The following CNTN6 variants were observed in gnomAD, a reference collection of about 807,000 sequenced individuals.
CNTN6 encodes the protein contactin 6.
CNTN6 carries 137 observed loss-of-function variants against 122.8 expected under a neutral mutation model. The observed-to-expected ratio is 1.12, with a 90% confidence interval of 0.97 to 1.29. CNTN6 has a LOEUF of 1.29. CNTN6 is among the 50% of genes most tolerant of loss of function. The pLI is 0.00. For synonymous variants in CNTN6, 570 were observed against 426.0 expected (o/e 1.34, Z -4.16); for missense variants, 1,634 against 1,223.4 (o/e 1.34, Z -5.01).
chr3:1,263,747 C>T (rs1414503768), intron 4 of CNTN6, among the ~76,000 whole-genome samples: 1 of 151,818 alleles, frequency 6.6e-6, no homozygotes, highest in Non-Finnish European at 1.5e-5. Flanking sequence ...AAACAAGGTC[C>T]CTGTTTTCGT....
chr3:1,144,081 A>T (rs1018087890), intron 1 of CNTN6, among the ~76,000 whole-genome samples: 5 of 152,264 alleles, frequency 3.3e-5, no homozygotes, highest in South Asian at 2.1e-4. Context: ...AACCTAGCTC[A>T]TGCTTGCTGA....
In CNTN6 at chr3:1,244,215, A is replaced by G. The variant is rs1039926952; in HGVS notation, c.358+16222A>G. Among the ~76,000 whole-genome samples the G allele has an allele frequency of 3.2e-4, 48 of 152,220 alleles. 1 individual carries two copies. Among genetic ancestry groups the G allele is most frequent in the Middle Eastern group, 3.4e-3 (1 of 294 alleles). ...TTTTAAGTTCTTGAGCACACAGGCT[A>G]AGGGAGAAGAAGGAGGAATGGAGGG... On this transcript the variant is annotated intron_variant, in intron 4 of 22. Transcript: ENST00000446702.
intron 1 of CNTN6, among the ~76,000 whole-genome samples, chr3:1,106,259 CCTCCCCAAATGTGAGATATATAA>C (rs1374526331): frequency 5.3e-5 from 8 of 151,878 alleles, no homozygotes; most frequent in African/African-American, 1.9e-4. Flanking sequence ...CTTCAAAAAC[CCTCCCCAAATGTGAGATATATAA>C]CTTGCTTTTC....
At chr3:1,241,186 C>T (rs1223327598) in intron 4 of CNTN6, among the ~76,000 whole-genome samples, 3 of 152,086 alleles carry the variant, frequency 2.0e-5, no homozygotes, top group South Asian at 2.1e-4. Flanking sequence ...TGGATGTATA[C>T]GTGCAAGTTA....
chr3:1,096,948 A>C (rs2090558890), intron 1 of CNTN6, among the ~76,000 whole-genome samples: 3 of 152,184 alleles, frequency 2.0e-5, no homozygotes, highest in Admixed American at 1.3e-4. Context: ...TCTGTGGGAC[A>C]ATAGAGGACA....
At chr3:1,122,155 A>G (rs1252738113) in intron 1 of CNTN6, among the ~76,000 whole-genome samples, 5 of 151,992 alleles carry the variant, frequency 3.3e-5, no homozygotes, top group African/African-American at 1.2e-4. Flanking sequence ...AGTTCTGGTT[A>G]ATGGAACTAG....
intron 12 of CNTN6, among the ~76,000 whole-genome samples, chr3:1,358,193 A>C (rs1267519036): frequency 6.6e-6 from 1 of 151,954 alleles, no homozygotes; most frequent in Admixed American, 6.6e-5. Flanking sequence ...ACTTCAACCG[A>C]TACGTTTATT....
intron 5 of CNTN6, among the ~76,000 whole-genome samples, chr3:1,287,418 C>A (rs2125830355): frequency 6.6e-6 from 1 of 152,210 alleles, no homozygotes; most frequent in African/African-American, 2.4e-5. Context: ...TGGTACAGCC[C>A]ATCTCTTACA....
chr3:1,321,891 A>G, intron 8 of CNTN6, 57 bp downstream of exon 8: 1 of 1,419,154 alleles, frequency 7.0e-7, no homozygotes, highest in Non-Finnish European at 9.6e-7. Flanking sequence ...CTTCATAATA[A>G]ATTGTGGAAG....
intron 5 of CNTN6, among the ~76,000 whole-genome samples, chr3:1,282,581 CA>C (rs1393227398): frequency 2.1e-4 from 32 of 152,250 alleles, no homozygotes; most frequent in African/African-American, 7.7e-4. Context: ...CCCATATTTC[CA>C]AAAAATCTTA....
At chr3:1,351,922 T>C (rs751918808) in intron 11 of CNTN6, among the ~76,000 whole-genome samples, 8 of 151,888 alleles carry the variant, frequency 5.3e-5, no homozygotes, top group Non-Finnish European at 1.2e-4. Flanking sequence ...AGACTAATTG[T>C]GAAAATTAGC....
At chr3:1,391,702 C>CAA (rs1694175362) in intron 20 of CNTN6, among the ~76,000 whole-genome samples, 1 of 150,278 alleles carries the variant, frequency 6.7e-6, no homozygotes, top group Non-Finnish European at 1.5e-5. Context: ...GCAACTTCAG[C>CAA]AAAGTCTCAG....
intron 2 of CNTN6, among the ~76,000 whole-genome samples, chr3:1,157,229 A>ATTTATTTAATTTT (rs1559417626): frequency 6.3e-5 from 9 of 143,466 alleles, no homozygotes; most frequent in African/African-American, 1.9e-4. Flanking sequence ...TAATTTATTT[A>ATTTATTTAATTTT]TTTATTTATG....
intron 4 of CNTN6, among the ~76,000 whole-genome samples, chr3:1,254,949 T>C (rs2094728558): frequency 6.6e-6 from 1 of 152,244 alleles, no homozygotes; most frequent in East Asian, 1.9e-4. Flanking sequence ...CAGTTTTACA[T>C]TGGTGGTCAC....
intron 11 of CNTN6, among the ~76,000 whole-genome samples, chr3:1,346,387 C>G (rs6442357): frequency 0.81 from 122,411 of 151,980 alleles, 50,131 homozygotes; most frequent in African/African-American, 0.89. Flanking sequence ...CTCCTTAATG[C>G]ATTAATGCCC....
intron 4 of CNTN6, among the ~76,000 whole-genome samples, chr3:1,277,220 A>G (rs769001735): frequency 2.0e-5 from 3 of 152,166 alleles, no homozygotes; most frequent in Non-Finnish European, 4.4e-5. Context: ...TTCATTTTAA[A>G]AACAATCTTC....
chr3:1,103,164 T>G (rs2091039946), intron 1 of CNTN6, among the ~76,000 whole-genome samples: 2 of 152,164 alleles, frequency 1.3e-5, no homozygotes, highest in Non-Finnish European at 2.9e-5. Context: ...TGAAAAAGTT[T>G]CTGTTATTCT....
At chr3:1,372,763 A>T (rs1709239544) in intron 13 of CNTN6, 75 bp from the exon 14 acceptor site, 2 of 878,984 alleles carry the variant, frequency 2.3e-6, no homozygotes, top group South Asian at 3.3e-5. Context: ...TTTCGTATTT[A>T]TCCAGCTGTA....
At chr3:1,272,803 AG>A (rs1262036924) in intron 4 of CNTN6, among the ~76,000 whole-genome samples, 2 of 152,166 alleles carry the variant, frequency 1.3e-5, no homozygotes, top group East Asian at 3.9e-4. Context: ...GCAAATGTAC[AG>A]TTTTCTTGCT....
Sources: gnomAD v4.1 joint callset for allele counts (sites outside exome capture counted in the v4.1 genomes callset) on GRCh38, gnomAD v4.1.1 for gene constraint, MANE v1.5 for transcripts, NCBI Gene and HGNC (gene_info 2026-07-23, HGNC 2026-07-21) for gene names.